The following SETBP1 variants were observed in gnomAD, a reference collection of about 807,000 sequenced individuals.
SETBP1 encodes SET-binding protein.
In SETBP1, 9 loss-of-function variants were observed where a neutral mutation model predicts 101.0. The ratio of observed to expected loss-of-function variants is 0.09; its 90% confidence interval spans 0.05 to 0.16. The LOEUF is 0.16. Ranked by LOEUF, SETBP1 falls within the 10% of genes least tolerant of loss-of-function variation. The probability of loss-of-function intolerance (pLI) is 1.00; values close to 1 mark genes in which losing one functional copy is unlikely to be tolerated. For synonymous variants in SETBP1, 818 were observed against 788.5 expected, an observed-to-expected ratio of 1.04 and a Z score of -0.63; for missense variants, 1,858 against 2,033.8, an observed-to-expected ratio of 0.91 and a Z score of 1.66.
intron 3 of SETBP1, among the ~76,000 whole-genome samples, chr18:44,918,651 A>G (rs887430227): frequency 2.0e-5 from 3 of 152,234 alleles, no homozygotes; most frequent in East Asian, 1.9e-4. Flanking sequence ...GTCCTTTCCA[A>G]CTGTGAATGT....
chr18:44,845,173 G>A (rs574716250), intron 2 of SETBP1, among the ~76,000 whole-genome samples: 1 of 152,180 alleles, frequency 6.6e-6, no homozygotes, highest in African/African-American at 2.4e-5. Context: ...AGCCGAAGAG[G>A]TTTGATTGAG....
intron 4 of SETBP1, among the ~76,000 whole-genome samples, chr18:45,035,700 A>G (rs559940594): frequency 1.3e-5 from 2 of 152,362 alleles, no homozygotes; most frequent in South Asian, 2.1e-4. Context: ...TTGTGTCCAC[A>G]GGTATAAAGA....
At chr18:44,811,190 A>G (rs1350601995) in intron 2 of SETBP1, among the ~76,000 whole-genome samples, 2 of 152,254 alleles carry the variant, frequency 1.3e-5, no homozygotes, top group African/African-American at 4.8e-5. Context: ...TGAAAACATA[A>G]CATACTTTAT....
chr18:45,044,304 T>C (rs1237911483), intron 5 of SETBP1, among the ~76,000 whole-genome samples: 1 of 152,190 alleles, frequency 6.6e-6, no homozygotes, highest in Non-Finnish European at 1.5e-5. Context: ...AAAGCTTAAA[T>C]TTAAAGCAAT....
chr18:44,768,173 G>A (rs976530912), intron 2 of SETBP1, among the ~76,000 whole-genome samples: 1 of 152,162 alleles, frequency 6.6e-6, no homozygotes, highest in African/African-American at 2.4e-5. Context: ...TGTGATTTGG[G>A]AGGTTTTGAT....
At position 44,863,948 on chromosome 18, in the gene SETBP1, T is replaced by C. The variant is rs965070549; in HGVS notation, c.487-5282T>C. Among the ~76,000 whole-genome samples, 4 of 152,130 alleles carry C rather than the reference T, an allele frequency of 2.6e-5. No individual in the cohort carries two copies. In the East Asian group the frequency reaches 7.7e-4, roughly 29 times the overall value. ...CAGATGTTCAGCATGACCCACACCC[T>C]GCCTTTTGTGTCAGTGTCCCCCTTC... On this transcript the variant is annotated intron_variant, in intron 2 of 5. Transcript: ENST00000649279.
At chr18:44,899,089 T>C (rs1310712197) in intron 3 of SETBP1, among the ~76,000 whole-genome samples, 2 of 152,200 alleles carry the variant, frequency 1.3e-5, no homozygotes, top group African/African-American at 4.8e-5. Context: ...AGATAAGGTA[T>C]AATGTTTTTA....
intron 4 of SETBP1, among the ~76,000 whole-genome samples, chr18:45,028,413 T>A (rs1181228006): frequency 6.6e-6 from 1 of 152,124 alleles, no homozygotes; most frequent in Admixed American, 6.6e-5. Context: ...TCTATCATTG[T>A]TGGACATTTG....
intron 5 of SETBP1, among the ~76,000 whole-genome samples, chr18:45,050,785 A>T (rs1271608030): frequency 1.3e-5 from 2 of 152,202 alleles, no homozygotes; most frequent in South Asian, 4.1e-4. Flanking sequence ...CTACCTATAA[A>T]TTCAGCAGGG....
chr18:45,064,251 A>G lies in SETBP1; in HGVS notation c.*553A>G, dbSNP rs891850176. On this transcript the variant is annotated 3_prime_UTR_variant, in exon 6 of 6. Coordinates refer to ENST00000649279, the MANE Select transcript of SETBP1 (RefSeq NM_015559.3). ...TGACCTGAATCTTTCCCTTAACCGT[A>G]CAGTTTCTCGATGGAATTGTGTGAT... 1 of 152,390 alleles carries G rather than the reference A, an allele frequency of 6.6e-6. No homozygotes were observed. The highest frequency in any genetic ancestry group is 2.4e-5 in the African/African-American group (1 of 41,336). 9.4% of individuals were successfully genotyped at this position (152,390 alleles called of 1,614,324 possible).
chr18:44,865,779 G>C (rs1372059701), intron 2 of SETBP1, among the ~76,000 whole-genome samples: 1 of 152,220 alleles, frequency 6.6e-6, no homozygotes, highest in Non-Finnish European at 1.5e-5. Flanking sequence ...GTGACGTAAT[G>C]GTGAGGAAAG....
chr18:44,914,471 A>T (rs2070382537), intron 3 of SETBP1, among the ~76,000 whole-genome samples: 1 of 152,226 alleles, frequency 6.6e-6, no homozygotes, highest in African/African-American at 2.4e-5. Context: ...ACTGGTCAGG[A>T]TCAAAGTCAC....
chr18:44,717,940 G>T (rs2144315589), intron 2 of SETBP1, among the ~76,000 whole-genome samples: 1 of 152,290 alleles, frequency 6.6e-6, no homozygotes, highest in Non-Finnish European at 1.5e-5. Flanking sequence ...GTGCTTGTGT[G>T]TGCATTTTAA....
chr18:45,010,726 C>T (rs967927561), intron 4 of SETBP1, among the ~76,000 whole-genome samples: 1 of 152,224 alleles, frequency 6.6e-6, no homozygotes, highest in Admixed American at 6.5e-5. Context: ...ATGAGCCAGA[C>T]ATTGTGCTTA....
intron 5 of SETBP1, among the ~76,000 whole-genome samples, chr18:45,055,764 C>G (rs2073799139): frequency 6.6e-6 from 1 of 152,178 alleles, no homozygotes; most frequent in Non-Finnish European, 1.5e-5. Context: ...ACTTGGCAAA[C>G]CATCCTCTTT....
At chr18:44,813,511 G>T (rs925008506) in intron 2 of SETBP1, among the ~76,000 whole-genome samples, 1 of 152,162 alleles carries the variant, frequency 6.6e-6, no homozygotes, top group Non-Finnish European at 1.5e-5. Context: ...ATGCTAGACT[G>T]GGAGCAGGGT....
chr18:44,880,753 C>T (rs796570383), intron 3 of SETBP1, among the ~76,000 whole-genome samples: 8 of 152,058 alleles, frequency 5.3e-5, no homozygotes, highest in Non-Finnish European at 8.8e-5. Context: ...AGATCACTTG[C>T]GAACTCAGAG....
chr18:44,795,207 G>A (rs2071450284), intron 2 of SETBP1, among the ~76,000 whole-genome samples: 1 of 152,100 alleles, frequency 6.6e-6, no homozygotes, highest in Non-Finnish European at 1.5e-5. Context: ...TCTTTTTCTT[G>A]AAATACCATG....
chr18:44,732,500 C>G, intron 2 of SETBP1: 1 of 152,212 alleles, frequency 6.6e-6, no homozygotes, highest in East Asian at 1.9e-4. Flanking sequence ...ATTTCTCACC[C>G]TTGCAATGGA....
Sources: allele counts gnomAD v4.1 joint callset (sites outside exome capture counted in the v4.1 genomes callset), GRCh38; gene constraint gnomAD v4.1.1; transcripts MANE v1.5; gene names NCBI Gene and HGNC (gene_info 2026-07-23, HGNC 2026-07-21).